THBS4: variants seen among roughly 807,000 people sequenced by gnomAD.
THBS4 encodes thrombospondin-4.
In THBS4, 90 loss-of-function variants were observed where a neutral mutation model predicts 115.7. That is an observed-to-expected ratio of 0.78 (90% CI 0.66 to 0.93). THBS4 has a LOEUF of 0.93. THBS4 is among the 40% of genes least tolerant of loss of function. The pLI is 0.00. For synonymous variants in THBS4, 460 were observed against 479.3 expected, an observed-to-expected ratio of 0.96 and a Z score of 0.53; for missense variants, 1,087 against 1,232.7, an observed-to-expected ratio of 0.88 and a Z score of 1.77.
chr5:80,023,774 G>A (rs1832424033), intron 2 of THBS4, among the ~76,000 whole-genome samples: 1 of 152,172 alleles, frequency 6.6e-6, no homozygotes, highest in Admixed American at 6.5e-5. Flanking sequence ...AACTCTTGGT[G>A]GAAAGCAAAA....
At chr5:80,015,122 T>G (rs1394224543) in intron 2 of THBS4, among the ~76,000 whole-genome samples, 1 of 152,206 alleles carries the variant, frequency 6.6e-6, no homozygotes, top group African/African-American at 2.4e-5. Flanking sequence ...GTACTCAACC[T>G]TAGAACATTT....
chr5:80,036,529 AAG>A (rs1437395265), intron 1 of THBS4, among the ~76,000 whole-genome samples: 2 of 152,238 alleles, frequency 1.3e-5, no homozygotes, highest in African/African-American at 2.4e-5. Context: ...AGAAAAAAGA[AAG>A]AAATTGATCT....
chr5:80,035,136 C>T (rs1398043309), upstream of THBS4, among the ~76,000 whole-genome samples: 1 of 151,822 alleles, frequency 6.6e-6, no homozygotes, highest in Non-Finnish European at 1.5e-5. The surrounding 1 kb of genome is among the most constrained non-coding windows in gnomAD (Gnocchi z 4.6). Flanking sequence ...TACCCTCGCG[C>T]GTCGGGGCCG....
At chr5:80,042,626 G>A (rs2112039496) in intron 2 of THBS4, among the ~76,000 whole-genome samples, 1 of 152,302 alleles carries the variant, frequency 6.6e-6, no homozygotes, top group Middle Eastern at 3.4e-3. Context: ...AGGGTAAGGG[G>A]ATCGTTAGTA....
intron 2 of THBS4, among the ~76,000 whole-genome samples, chr5:80,002,276 A>C (rs1831916137): frequency 6.6e-6 from 1 of 152,066 alleles, no homozygotes. Context: ...AGGCCACACT[A>C]CCTCAAGGGC....
At chr5:80,060,040 G>A (rs2112099478) in intron 7 of THBS4, 135 bp downstream of exon 7, 1 of 761,952 alleles carries the variant, frequency 1.3e-6, no homozygotes, top group East Asian at 2.6e-5. Flanking sequence ...CACTTGCTTG[G>A]AGACCCTGAG....
At chr5:80,005,684 G>T (rs774816469) in intron 2 of THBS4, among the ~76,000 whole-genome samples, 14 of 151,650 alleles carry the variant, frequency 9.2e-5, no homozygotes, top group Non-Finnish European at 1.5e-4. Flanking sequence ...GCAGAGCACT[G>T]TGAGACTCTG....
In THBS4 at chr5:80,055,948, C is replaced by T. The variant is rs767850963; in HGVS notation, c.456C>T (p.Ser152=). 6.8e-6 allele frequency: 11 copies of T among 1,614,188 alleles called. No homozygotes were observed. Among genetic ancestry groups the T allele is most frequent in the South Asian group, 2.2e-5 (2 of 91,088 alleles). ...ACCTGGACTGCATCCAGGTGGATTCCGTTCACAATCTCCCCAGGGCCTTTG... is the reference window on the plus strand; with the variant it reads ...ACCTGGACTGCATCCAGGTGGATTCTGTTCACAATCTCCCCAGGGCCTTTG... ...ELYLDCIQVD[S]VHNLPRAFAG... is the part of the protein sequence containing the mutation. Residue 152 remains serine (S), a synonymous_variant, in exon 3 of 22, where the codon TCC becomes TCT. Transcript: ENST00000350881.
At chr5:80,047,426 TA>T (rs1833105030) in intron 2 of THBS4, among the ~76,000 whole-genome samples, 1 of 152,124 alleles carries the variant, frequency 6.6e-6, no homozygotes, top group African/African-American at 2.4e-5. Flanking sequence ...TTTTTGTTTT[TA>T]CCACATTTAA....
chr5:80,008,820 G>C (rs1011365663), intron 2 of THBS4, among the ~76,000 whole-genome samples: 7 of 152,084 alleles, frequency 4.6e-5, no homozygotes, highest in African/African-American at 1.7e-4. Context: ...CTGGTGGGGA[G>C]GGGGTCACAA....
In THBS4 at chr5:80,067,700, G is replaced by A. The variant is rs189734855; in HGVS notation, c.1195-273G>A. On this transcript the variant is annotated intron_variant, in intron 9 of 21. Transcript: ENST00000350881. Reference sequence around the variant, plus strand: ...TCCCCTATGCCCTCCACGGTGGCGCGGGCAACTCAGTGTCATTGGTTCACA... The same window carrying A: ...TCCCCTATGCCCTCCACGGTGGCGCAGGCAACTCAGTGTCATTGGTTCACA... 1.9e-4 allele frequency: 58 copies of A among 313,468 alleles called. No individual in the cohort carries two copies. In the East Asian group the frequency reaches 2.3e-3, roughly 12 times the overall value. 19.4% of individuals were successfully genotyped at this position (313,468 alleles called of 1,614,324 possible). A position where few individuals can be genotyped will look rare whatever the true frequency, so the allele number is the denominator to read the frequency against.
At chr5:80,055,196 C>A (rs1288535334) in intron 2 of THBS4, among the ~76,000 whole-genome samples, 1 of 151,954 alleles carries the variant, frequency 6.6e-6, no homozygotes. Flanking sequence ...GTGGCTCACA[C>A]CTGTGGTCCC....
In THBS4 at chr5:80,083,201, C is replaced by A; in HGVS notation, c.*60C>A. 6.8e-7 allele frequency: 1 copy of A among 1,465,146 alleles called. No homozygotes were observed. The highest frequency in any genetic ancestry group is 1.1e-5 in the South Asian group (1 of 87,776). The allele number at this position is 1,465,146 out of a possible 1,614,324, so 90.8% of individuals were successfully genotyped here. A position where few individuals can be genotyped will look rare whatever the true frequency, so the allele number is the denominator to read the frequency against. On this transcript the variant is annotated 3_prime_UTR_variant, in exon 22 of 22. Transcript: ENST00000350881. ...ACTAAAACCATATATATTTTAACTTCAATTTTCTTTAGCTTTTACCAACCC... is the reference window on the plus strand; with the variant it reads ...ACTAAAACCATATATATTTTAACTTAAATTTTCTTTAGCTTTTACCAACCC...
At chr5:80,034,515 G>A (rs1346009997), upstream of THBS4, among the ~76,000 whole-genome samples, 1 of 152,180 alleles carries the variant, frequency 6.6e-6, no homozygotes. Flanking sequence ...CATTCCGGGA[G>A]CTTTGCCCAG....
upstream of THBS4, among the ~76,000 whole-genome samples, chr5:80,032,472 C>G (rs143446767): frequency 2.0e-5 from 3 of 152,220 alleles, no homozygotes; most frequent in African/African-American, 7.2e-5. Flanking sequence ...TATTGACGCA[C>G]GATCACAAGA....
Position 80,042,630 on chromosome 5 carries a change from G to C in THBS4, c.292+2350G>C, listed in dbSNP as rs551980555. ...GCAGTAGGTAGAGGGTAAGGGGATC[G>C]TTAGTATGTTTCCTCTGAAGAATCA... is the stretch of plus-strand genomic sequence containing the variant. On this transcript the variant is annotated intron_variant, in intron 2 of 21. Coordinates refer to ENST00000350881, the MANE Select transcript of THBS4 (RefSeq NM_003248.6). 5.9e-5 allele frequency among the ~76,000 whole-genome samples: 9 copies of C among 152,314 alleles called. No individual in the cohort carries two copies. The East Asian group carries it at 1.4e-3, about 23-fold the overall frequency.
intron 1 of THBS4, among the ~76,000 whole-genome samples, chr5:80,037,694 A>G (rs1832761186): frequency 6.6e-6 from 1 of 152,256 alleles, no homozygotes; most frequent in South Asian, 2.1e-4. Flanking sequence ...GGAAGAATCA[A>G]GAGTACTAAG....
chr5:80,075,213 T>A (rs773147111), intron 15 of THBS4: 8 of 152,224 alleles, frequency 5.3e-5, no homozygotes, highest in Non-Finnish European at 8.8e-5. Flanking sequence ...GTTGGTTGAA[T>A]CTGCGGATAC....
chr5:80,059,308 C>T (rs1364429252), intron 5 of THBS4, 132 bp from the exon 6 acceptor site: 14 of 887,682 alleles, frequency 1.6e-5, no homozygotes, highest in South Asian at 1.6e-4. Context: ...CCAGCCTGGG[C>T]GACAGACTGA....
Sources: gnomAD v4.1 joint callset for allele counts (sites outside exome capture counted in the v4.1 genomes callset) on GRCh38, gnomAD v4.1.1 for gene constraint, Gnocchi (gnomAD v3.1) non-coding constraint, MANE v1.5 for transcripts, NCBI Gene and HGNC (gene_info 2026-07-23, HGNC 2026-07-21) for gene names.